FAM120C: variants seen among roughly 807,000 people sequenced by gnomAD.
The protein encoded by FAM120C is family with sequence similarity 120 member C.
In FAM120C, 14 loss-of-function variants were observed where a neutral mutation model predicts 71.2. That is an observed-to-expected ratio of 0.20 (90% CI 0.13 to 0.31). The LOEUF is 0.31. FAM120C is among the 10% of genes least tolerant of loss of function. The pLI, the probability that FAM120C is intolerant of heterozygous loss-of-function variation, is 1.00. For missense variants in FAM120C, 500 were observed against 879.0 expected, an observed-to-expected ratio of 0.57 and a Z score of 5.45; for synonymous variants, 354 against 353.2, an observed-to-expected ratio of 1.00 and a Z score of -0.03.
rs2066709168 is a variant in FAM120C, at chrX:54,071,633, T to C, written c.*1400A>G. 8.9e-6 allele frequency: 1 copy of C among 111,814 alleles called. No individual in the cohort carries two copies. The highest frequency in any genetic ancestry group is 1.9e-5 in the Non-Finnish European group (1 of 53,151). The allele number at this position is 111,814 out of a possible 1,213,427, so 9.2% of individuals were successfully genotyped here. ...CCATCCCCCCTTTTCTCTCCAAACCTTCATAAGGAAATGCCCAACTCTTCC... is the reference window on the plus strand; with the variant it reads ...CCATCCCCCCTTTTCTCTCCAAACCCTCATAAGGAAATGCCCAACTCTTCC... On this transcript the variant is annotated 3_prime_UTR_variant, in exon 16 of 16. Coordinates refer to ENST00000375180, the MANE Select transcript of FAM120C (RefSeq NM_017848.6).
At chrX:54,079,813 G>A (rs1217706817) in intron 15 of FAM120C, among the ~76,000 whole-genome samples, 2 of 110,345 alleles carry the variant, frequency 1.8e-5, no homozygotes, top group East Asian at 5.7e-4. Context: ...AAAAAAAGCA[G>A]AATGGTAACG....
In FAM120C at chrX:54,069,964, G is replaced by A. The variant is rs782380728; in HGVS notation, c.*3069C>T. The stretch of plus-strand genomic sequence containing the variant: ...GCTTATGGTCCTACAATGTAAAGGG[G>A]TCATTTCTGGGGGTTCCCAAATGAC... On this transcript the variant is annotated 3_prime_UTR_variant, in exon 16 of 16. Transcript: ENST00000375180. The A allele has an allele frequency of 1.8e-5, 2 of 111,531 alleles. No individual in the cohort carries two copies. Among genetic ancestry groups the A allele is most frequent in the Non-Finnish European group, 3.8e-5 (2 of 53,113 alleles). 9.2% of individuals were successfully genotyped at this position (111,531 alleles called of 1,213,427 possible). A position where few individuals can be genotyped will look rare whatever the true frequency, so the allele number is the denominator to read the frequency against.
chrX:54,128,185 A>T (rs2067038452), intron 9 of FAM120C, among the ~76,000 whole-genome samples: 1 of 110,114 alleles, frequency 9.1e-6, no homozygotes, highest in Non-Finnish European at 1.9e-5. Context: ...CACCCCCTCA[A>T]GAAGCTGGGA....
intron 9 of FAM120C, among the ~76,000 whole-genome samples, chrX:54,125,917 C>T (rs1557127906): frequency 8.9e-6 from 1 of 112,467 alleles, no homozygotes; most frequent in African/African-American, 3.2e-5. Flanking sequence ...TGACTTTCAG[C>T]ATACAGATTT....
At chrX:54,175,655 C>T (rs1026217891) in intron 1 of FAM120C, among the ~76,000 whole-genome samples, 2 of 111,154 alleles carry the variant, frequency 1.8e-5, no homozygotes, top group South Asian at 3.8e-4. Context: ...ACTACAGGTG[C>T]GCACCACCAT....
At chrX:54,083,744 G>A (rs1188841437) in intron 13 of FAM120C, among the ~76,000 whole-genome samples, 2 of 110,949 alleles carry the variant, frequency 1.8e-5, no homozygotes, top group African/African-American at 6.5e-5. Context: ...TTGACACAGA[G>A]CCTCGCCATG....
intron 4 of FAM120C, among the ~76,000 whole-genome samples, chrX:54,137,077 C>T (rs984107371): frequency 1.8e-5 from 2 of 110,366 alleles, no homozygotes; most frequent in African/African-American, 6.6e-5. Context: ...CTCAGCCTCC[C>T]GAGTAGCTGG....
chrX:54,110,673 T>C (rs1215712685), intron 10 of FAM120C, among the ~76,000 whole-genome samples: 1 of 110,641 alleles, frequency 9.0e-6, no homozygotes, highest in African/African-American at 3.3e-5. Flanking sequence ...CCTAGCACTT[T>C]GGGAGGCCAA....
At chrX:54,101,381 T>G (rs2066881456) in intron 10 of FAM120C, among the ~76,000 whole-genome samples, 1 of 111,820 alleles carries the variant, frequency 8.9e-6, no homozygotes, top group African/African-American at 3.2e-5. Context: ...CTCAAAGATC[T>G]CTGAAGTGCC....
In FAM120C at chrX:54,139,592, C is replaced by T. The variant is rs182439419; in HGVS notation, c.1159-3002G>A. On this transcript the variant is annotated intron_variant, in intron 4 of 15. Transcript: ENST00000375180. ...TCCTGACCTCGTGATCCGTCCATCTCGGCCTCCCAAAGTTCTGGAATTACA... is the reference window on the plus strand; with the variant it reads ...TCCTGACCTCGTGATCCGTCCATCTTGGCCTCCCAAAGTTCTGGAATTACA... Among the ~76,000 whole-genome samples the T allele has an allele frequency of 4.3e-3, 474 of 110,891 alleles. 3 individuals are homozygous for T. Among genetic ancestry groups the T allele is most frequent in the African/African-American group, 9.3e-3 (286 of 30,602 alleles).
chrX:54,077,554 C>T (rs1230587738), intron 15 of FAM120C, among the ~76,000 whole-genome samples: 2 of 110,718 alleles, frequency 1.8e-5, no homozygotes, highest in Admixed American at 9.8e-5. Flanking sequence ...TGGTGGCTCA[C>T]ACATGTAGTC....
intron 9 of FAM120C, among the ~76,000 whole-genome samples, chrX:54,125,765 T>C (rs1409156739): frequency 1.8e-5 from 2 of 112,864 alleles, no homozygotes; most frequent in Admixed American, 9.4e-5. Flanking sequence ...ACAAAGAATC[T>C]TGCTGGGATT....
intron 1 of FAM120C, among the ~76,000 whole-genome samples, chrX:54,169,380 T>C (rs894608636): frequency 1.8e-5 from 2 of 111,652 alleles, no homozygotes; most frequent in African/African-American, 6.5e-5. Context: ...TGAGATCAAC[T>C]CACAAGTAAT....
rs1401871806 is a variant in FAM120C, at chrX:54,125,796, C to G, written c.2062+6896G>C. Among the ~76,000 whole-genome samples the G allele has an allele frequency of 2.7e-5, 3 of 112,597 alleles. No individual in the cohort carries two copies. In the East Asian group the frequency reaches 8.3e-4, roughly 31 times the overall value. ...GGATTTGGATAGGAATTGCATCACA[C>G]CTGTGTTATCAATTTGGGGAGAACT... On this transcript the variant is annotated intron_variant, in intron 9 of 15. Coordinates refer to ENST00000375180, the MANE Select transcript of FAM120C (RefSeq NM_017848.6).
chrX:54,171,782 C>T (rs782116330), intron 1 of FAM120C: 1 of 111,834 alleles, frequency 8.9e-6, no homozygotes, highest in African/African-American at 3.2e-5. Context: ...TAACTACTTC[C>T]GAGGTATTTG....
Position 54,183,163 on chromosome X carries a change from C to T in FAM120C, c.36G>A (p.Lys12=), listed in dbSNP as rs2067365805. ...CGGGCACCACGGCCCCGGGACAGCG[C>T]TTCTCCAGGAACTCTTGGAAGCCCT... ...GVQGFQEFLE[K]RCPGAVVPVD... The change falls in exon 1 of 16, where the codon AAG becomes AAA. Residue 12 remains lysine, a synonymous_variant. Transcript: ENST00000375180. The T allele has an allele frequency of 3.5e-6, 4 of 1,145,336 alleles. No homozygotes were observed. In the Admixed American group the frequency reaches 8.1e-5, roughly 23 times the overall value. The allele number at this position is 1,145,336 out of a possible 1,213,427, so 94.4% of individuals were successfully genotyped here.
rs1412199854 is a variant in FAM120C, at chrX:54,138,435, G to A, written c.1159-1845C>T. On this transcript the variant is annotated intron_variant, in intron 4 of 15. Transcript: ENST00000375180. The stretch of plus-strand genomic sequence containing the variant: ...GGATCGCTTGAGCCTGGGAGGTCAA[G>A]GCTGCAGTGAGCCGAAATTGTGCCA... Among the ~76,000 whole-genome samples, 3 of 104,345 alleles carry A rather than the reference G, an allele frequency of 2.9e-5. No homozygotes were observed. In the South Asian group the frequency reaches 1.4e-3, roughly 48 times the overall value. 90.6% of individuals were successfully genotyped at this position (104,345 alleles called of 115,157 possible). A position where few individuals can be genotyped will look rare whatever the true frequency, so the allele number is the denominator to read the frequency against.
chrX:54,132,973 A>G, intron 8 of FAM120C, 110 bp from the exon 9 acceptor site: 3 of 593,031 alleles, frequency 5.1e-6, no homozygotes, highest in African/African-American at 2.3e-5. Flanking sequence ...TACTAAATTT[A>G]TTTGTATTTA....
intron 4 of FAM120C, among the ~76,000 whole-genome samples, chrX:54,144,100 A>G (rs1289124708): frequency 1.8e-5 from 2 of 111,989 alleles, no homozygotes; most frequent in Non-Finnish European, 3.8e-5. Flanking sequence ...AAGGCCTTCA[A>G]CAAAACTCAA....
Sources: gnomAD v4.1 joint callset for allele counts (sites outside exome capture counted in the v4.1 genomes callset) on GRCh38, gnomAD v4.1.1 for gene constraint, MANE v1.5 for transcripts, NCBI Gene and HGNC (gene_info 2026-07-23, HGNC 2026-07-21) for gene names.